Variants in RIN3 observed in about 807,000 individuals in gnomAD.
The protein encoded by RIN3 is RAB5 interacting protein 3.
A neutral mutation model predicts 76.3 loss-of-function variants in RIN3; 54 were observed. The ratio of observed to expected loss-of-function variants is 0.71; its 90% confidence interval spans 0.57 to 0.89. The LOEUF (loss-of-function observed/expected upper bound fraction) is 0.89. RIN3 is among the 40% of genes least tolerant of loss of function. The pLI, the probability that RIN3 is intolerant of heterozygous loss-of-function variation, is 0.00. For missense variants in RIN3, 1,256 were observed against 1,322.1 expected, an observed-to-expected ratio of 0.95 and a Z score of 0.78; for synonymous variants, 576 against 564.0, an observed-to-expected ratio of 1.02 and a Z score of -0.30.
chr14:92,614,799 T>TTTTATATATATA (rs1555388278), intron 3 of RIN3, among the ~76,000 whole-genome samples: 2 of 103,404 alleles, frequency 1.9e-5, no homozygotes, highest in African/African-American at 9.6e-5. Flanking sequence ...TTAAACCTCT[T>TTTTATATATATA]TATATATATA....
At chr14:92,624,884 C>T (rs1224771384) in intron 4 of RIN3, among the ~76,000 whole-genome samples, 2 of 152,176 alleles carry the variant, frequency 1.3e-5, no homozygotes, top group African/African-American at 4.8e-5. Context: ...TGGGTCCATC[C>T]TTTCTCGGCA....
rs1344832583 is a variant in RIN3, at chr14:92,648,604, C to G, written c.533-2978C>G. Among the ~76,000 whole-genome samples the G allele has an allele frequency of 1.3e-5, 2 of 152,156 alleles. No homozygotes were observed. Among genetic ancestry groups the G allele is most frequent in the African/African-American group, 4.8e-5 (2 of 41,474 alleles). Reference sequence around the variant, plus strand: ...TCCACTCCGGCTAAGCTAATCCACTCATGGGTGCCAAGGGGCTGACACTGG... The same window carrying G: ...TCCACTCCGGCTAAGCTAATCCACTGATGGGTGCCAAGGGGCTGACACTGG... On this transcript the variant is annotated intron_variant, in intron 5 of 9. Coordinates refer to ENST00000216487, the MANE Select transcript of RIN3 (RefSeq NM_024832.5). This position sits in a 1 kb window ranked among gnomAD's most constrained non-coding sequence, Gnocchi z 4.1.
intron 3 of RIN3, among the ~76,000 whole-genome samples, chr14:92,605,195 G>A (rs1218131486): frequency 6.6e-6 from 1 of 152,054 alleles, no homozygotes; most frequent in East Asian, 1.9e-4. Flanking sequence ...ACAGGCGCGA[G>A]CCACCACTCC....
At chr14:92,527,348 G>A (rs977234723) in intron 1 of RIN3, among the ~76,000 whole-genome samples, 2 of 152,034 alleles carry the variant, frequency 1.3e-5, no homozygotes, top group African/African-American at 2.4e-5. Context: ...CACTGCACCT[G>A]GCCATTTCTC....
chr14:92,605,785 A>G (rs1420380426), intron 3 of RIN3, among the ~76,000 whole-genome samples: 1 of 152,238 alleles, frequency 6.6e-6, no homozygotes, highest in African/African-American at 2.4e-5. Context: ...TAATAGTGTC[A>G]ATAAAATTAC....
intron 3 of RIN3, among the ~76,000 whole-genome samples, chr14:92,592,462 C>A (rs1885013808): frequency 6.6e-6 from 1 of 150,730 alleles, no homozygotes; most frequent in Admixed American, 6.6e-5. Context: ...ATTCCAGGAC[C>A]ACCTTCACAA....
Position 92,653,071 on chromosome 14 carries a change from G to A in RIN3, c.2022G>A (p.Glu674=), listed in dbSNP as rs762810283. The change falls in exon 6 of 10, where the codon GAG becomes GAA. Residue 674 remains glutamate (E), a synonymous_variant. Coordinates refer to ENST00000216487, the MANE Select transcript of RIN3 (RefSeq NM_024832.5). The stretch of plus-strand genomic sequence containing the variant: ...ACCCCGCCCTGCACTCCGAGGAGGA[G>A]CTCGGTCAGTGCCCTGGGAGGAGGT... ...LVDPALHSEE[E]LEAIVESALY... 4 of 1,599,952 alleles carry A rather than the reference G, an allele frequency of 2.5e-6. No homozygotes were observed. The highest frequency in any genetic ancestry group is 2.7e-5 in the African/African-American group (2 of 74,846).
chr14:92,540,532 G>A (rs1897110059), intron 1 of RIN3, among the ~76,000 whole-genome samples: 1 of 152,230 alleles, frequency 6.6e-6, no homozygotes, highest in African/African-American at 2.4e-5. Flanking sequence ...GCATGTGTGA[G>A]AGATCCTAGT....
intron 6 of RIN3, among the ~76,000 whole-genome samples, chr14:92,657,460 A>ACTGG (rs1887713785): frequency 6.6e-6 from 1 of 152,196 alleles, no homozygotes; most frequent in South Asian, 2.1e-4. Flanking sequence ...CTGGATACAA[A>ACTGG]ACAGTCCTGA....
At position 92,599,850 on chromosome 14, in the gene RIN3, C is replaced by T. The variant is rs1273719144; in HGVS notation, c.368-15557C>T. On this transcript the variant is annotated intron_variant, in intron 3 of 9. Transcript: ENST00000216487. ...TAGGGCTATACAACTCCCATCTTGT[C>T]GCTAAAATGGGATTTGAGTTAGATG... Among the ~76,000 whole-genome samples the T allele has an allele frequency of 3.3e-5, 5 of 152,286 alleles. No homozygotes were observed. In the South Asian group the frequency reaches 8.3e-4, roughly 25 times the overall value.
chr14:92,589,862 C>G, intron 3 of RIN3, among the ~76,000 whole-genome samples: 1 of 152,186 alleles, frequency 6.6e-6, no homozygotes, highest in Middle Eastern at 3.2e-3. Context: ...ATAAGTAAAA[C>G]CCTGACCAAA....
chr14:92,514,528 C>T lies in RIN3; in HGVS notation c.44+552C>T, dbSNP rs1265618374. 2.0e-5 allele frequency among the ~76,000 whole-genome samples: 3 copies of T among 152,270 alleles called. No individual in the cohort carries two copies. Among genetic ancestry groups the T allele is most frequent in the Non-Finnish European group, 4.4e-5 (3 of 68,050 alleles). On this transcript the variant is annotated intron_variant, in intron 1 of 9. Transcript: ENST00000216487. This position sits in a 1 kb window ranked among gnomAD's most constrained non-coding sequence, Gnocchi z 7.2. The stretch of plus-strand genomic sequence containing the variant: ...GACCGAGGGTCCACTGGGCCCTTTT[C>T]CCGCCGCCCCTCTGCCCTGGCCGTA...
chr14:92,646,425 C>A (rs1887202250), intron 5 of RIN3, among the ~76,000 whole-genome samples: 1 of 152,148 alleles, frequency 6.6e-6, no homozygotes, highest in South Asian at 2.1e-4. Flanking sequence ...AAAAGTCAAG[C>A]ATGTTGTGTT....
intron 2 of RIN3, among the ~76,000 whole-genome samples, chr14:92,562,820 G>A (rs190466039): frequency 5.6e-4 from 85 of 152,264 alleles, no homozygotes; most frequent in African/African-American, 1.9e-3. Flanking sequence ...AATGATATTA[G>A]AAACCAAGAT....
chr14:92,611,351 A>G (rs761355830), intron 3 of RIN3, among the ~76,000 whole-genome samples: 3 of 151,874 alleles, frequency 2.0e-5, no homozygotes, highest in Admixed American at 6.6e-5. Context: ...CAGTGGCACG[A>G]TCTCACCTCT....
At position 92,514,043 on chromosome 14, in the gene RIN3, C is replaced by G; in HGVS notation, c.44+67C>G. ...CGGCCCGCGTCCTGGCCGCCCCACTCCACTTCTTGTCCCAGAGAGTCCTTC... is the reference window on the plus strand; with the variant it reads ...CGGCCCGCGTCCTGGCCGCCCCACTGCACTTCTTGTCCCAGAGAGTCCTTC... On this transcript the variant is annotated intron_variant, in intron 1 of 9. Coordinates refer to ENST00000216487, the MANE Select transcript of RIN3 (RefSeq NM_024832.5). The surrounding 1 kb of genome is among the most constrained non-coding windows in gnomAD (Gnocchi z 7.2). 1 of 1,073,892 alleles carries G rather than the reference C, an allele frequency of 9.3e-7. No individual in the cohort carries two copies. Among genetic ancestry groups the G allele is most frequent in the Non-Finnish European group, 1.2e-6 (1 of 841,972 alleles). The allele number at this position is 1,073,892 out of a possible 1,614,324, so 66.5% of individuals were successfully genotyped here. A position where few individuals can be genotyped will look rare whatever the true frequency, so the allele number is the denominator to read the frequency against.
At chr14:92,515,995 G>T (rs749809986) in intron 1 of RIN3, among the ~76,000 whole-genome samples, 8 of 152,146 alleles carry the variant, frequency 5.3e-5, no homozygotes, top group Non-Finnish European at 7.4e-5. Context: ...GACAGATGCC[G>T]AACTGTGCGG....
intron 2 of RIN3, among the ~76,000 whole-genome samples, chr14:92,567,040 G>A (rs937411724): frequency 4.6e-5 from 7 of 152,162 alleles, no homozygotes; most frequent in Non-Finnish European, 1.0e-4. Context: ...TGGAGGTCAC[G>A]TGTCTTGCAT....
At chr14:92,536,641 C>T (rs1897006338) in intron 1 of RIN3, among the ~76,000 whole-genome samples, 1 of 150,880 alleles carries the variant, frequency 6.6e-6, no homozygotes, top group Admixed American at 6.6e-5. Flanking sequence ...ACTCAGGAGG[C>T]TGAAGCAGGA....
Sources: gnomAD v4.1 joint callset for allele counts (sites outside exome capture counted in the v4.1 genomes callset) on GRCh38, gnomAD v4.1.1 for gene constraint, Gnocchi (gnomAD v3.1) non-coding constraint, MANE v1.5 for transcripts, NCBI Gene and HGNC (gene_info 2026-07-23, HGNC 2026-07-21) for gene names.